The following TBC1D1 variants were observed in gnomAD, a reference collection of about 807,000 sequenced individuals.
The protein encoded by TBC1D1 is TBC1 domain family member 1, also known as TBC1 (tre-2/USP6, BUB2, cdc16) domain family, member 1.
TBC1D1 carries 89 observed loss-of-function variants against 125.6 expected under a neutral mutation model. The observed-to-expected ratio is 0.71, with a 90% CI of 0.60 to 0.85. The LOEUF is 0.85. Among genes scored for constraint, TBC1D1 ranks in the 40% least tolerant of loss-of-function variants. TBC1D1 has a pLI of 0.00. For missense variants in TBC1D1, 1,377 were observed against 1,469.2 expected, an observed-to-expected ratio of 0.94 and a Z score of 1.03; for synonymous variants, 565 against 564.1, an observed-to-expected ratio of 1.00 and a Z score of -0.02.
chr4:37,940,466 C>T (rs1006978905), intron 2 of TBC1D1, among the ~76,000 whole-genome samples: 6 of 152,182 alleles, frequency 3.9e-5, no homozygotes, highest in Admixed American at 1.3e-4. Context: ...ATGTCATCTG[C>T]GAACAGGGAC....
Position 38,020,679 on chromosome 4 carries a change from G to C in TBC1D1, c.1061G>C (p.Cys354Ser). 6.2e-7 allele frequency: 1 copy of C among 1,611,916 alleles called. No individual in the cohort carries two copies. Among genetic ancestry groups the C allele is most frequent in the Non-Finnish European group, 8.5e-7 (1 of 1,178,598 alleles). ...CATTTTGTCTGTTACGTGTTTCAGT[G>C]CACAAATGAGGCTCTGGTGAGAGAG... Residue 354 changes from cysteine (C) to serine (S), a missense_variant, in exon 5 of 20, where the codon TGC (cysteine) becomes TCC (serine). Cys to Ser is a moderately radical substitution (Grantham distance 112). Around this residue, in one of 3 missense-constraint regions of TBC1D1, gnomAD observed 822 missense variants for 824.6 expected, o/e 1.00. Transcript: ENST00000261439.
chr4:37,900,843 G>A (rs996911936), intron 1 of TBC1D1, among the ~76,000 whole-genome samples: 2 of 152,116 alleles, frequency 1.3e-5, no homozygotes, highest in Admixed American at 6.5e-5. Flanking sequence ...AGGCCAAGGT[G>A]GGCAGATCAC....
Position 38,061,171 on chromosome 4 carries a change from C to T in TBC1D1, c.2050+6833C>T, listed in dbSNP as rs78602687. 8.5e-5 allele frequency among the ~76,000 whole-genome samples: 13 copies of T among 152,288 alleles called. No individual in the cohort carries two copies. In the East Asian group the frequency reaches 9.6e-4, roughly 11 times the overall value. On this transcript the variant is annotated intron_variant, in intron 12 of 19. Coordinates refer to ENST00000261439, the MANE Select transcript of TBC1D1 (RefSeq NM_015173.4). The stretch of plus-strand genomic sequence containing the variant: ...GTGAACCCAAATGTATGGTGCTTTG[C>T]GTCTTTCCTGCCCTTTGGTTTTCCA...
chr4:37,983,923 G>A (rs1340372634), intron 2 of TBC1D1, among the ~76,000 whole-genome samples: 1 of 152,068 alleles, frequency 6.6e-6, no homozygotes, highest in East Asian at 1.9e-4. Flanking sequence ...CTTCCTATAA[G>A]CCTTTGGCAA....
intron 2 of TBC1D1, among the ~76,000 whole-genome samples, chr4:38,007,399 C>T (rs1740537079): frequency 6.6e-6 from 1 of 151,908 alleles, no homozygotes; most frequent in African/African-American, 2.4e-5. Context: ...ACTACAGGCG[C>T]CTGCCACCAC....
At chr4:37,906,294 C>T (rs1717317504) in intron 2 of TBC1D1, among the ~76,000 whole-genome samples, 3 of 152,062 alleles carry the variant, frequency 2.0e-5, no homozygotes, top group Non-Finnish European at 4.4e-5. Context: ...ATTACAGGTA[C>T]ACATGATCGT....
chr4:37,901,230 T>G (rs1447573997), intron 1 of TBC1D1, among the ~76,000 whole-genome samples: 1 of 151,848 alleles, frequency 6.6e-6, no homozygotes, highest in Admixed American at 6.6e-5. Context: ...AATCTTGGCT[T>G]GCTGCAGCCT....
In TBC1D1 at chr4:38,115,810, A is replaced by G. The variant is rs779285745; in HGVS notation, c.2658A>G (p.Glu886=). ...AGGCCTACTCACTTCTAGACCAGGA[A>G]GTGGGATATTGCCAAGGTCTCAGCT... The change falls in exon 16 of 20, where the codon GAA becomes GAG. Residue 886 remains glutamate (E), a synonymous_variant. Coordinates refer to ENST00000261439, the MANE Select transcript of TBC1D1 (RefSeq NM_015173.4). 1 of 1,614,174 alleles carries G rather than the reference A, an allele frequency of 6.2e-7. No individual in the cohort carries two copies. The highest frequency in any genetic ancestry group is 2.2e-5 in the East Asian group (1 of 44,886).
chr4:38,039,104 CTTTTTT>C (rs776941680), intron 8 of TBC1D1, among the ~76,000 whole-genome samples: 5 of 51,584 alleles, frequency 9.7e-5, no homozygotes, highest in East Asian at 7.4e-4. Flanking sequence ...GCATCATACT[CTTTTTT>C]TTTTTTTTTT....
At chr4:38,069,243 G>T (rs1050302677) in intron 12 of TBC1D1, among the ~76,000 whole-genome samples, 2 of 152,266 alleles carry the variant, frequency 1.3e-5, no homozygotes, top group East Asian at 1.9e-4. Context: ...AGCCATAACT[G>T]ATTGAGTATC....
chr4:38,005,761 T>C (rs1255220311), intron 2 of TBC1D1, among the ~76,000 whole-genome samples: 2 of 152,230 alleles, frequency 1.3e-5, no homozygotes, highest in African/African-American at 4.8e-5. Context: ...CAAAGCTGGA[T>C]GTGAACCCCA....
rs1243849381 is a variant in TBC1D1, at chr4:38,054,333, A to G, written c.2045A>G (p.Tyr682Cys). The stretch of plus-strand genomic sequence containing the variant: ...AAGGCGTGCGATTCTTCCAGCAGAT[A>G]TGAAGGTAAGGCCGGTACCTGAAAT... The change falls in exon 12 of 20, where the codon TAT becomes TGT. Residue 682 changes from tyrosine (Y) to cysteine (C), a missense_variant. Physicochemically the swap from Tyr to Cys is radical, Grantham distance 194. Coordinates refer to ENST00000261439, the MANE Select transcript of TBC1D1 (RefSeq NM_015173.4). 3 of 1,614,094 alleles carry G rather than the reference A, an allele frequency of 1.9e-6. No individual in the cohort carries two copies. The highest frequency in any genetic ancestry group is 1.7e-6 in the Non-Finnish European group (2 of 1,179,992).
At chr4:37,955,313 C>T (rs1728722502) in intron 2 of TBC1D1, among the ~76,000 whole-genome samples, 1 of 152,184 alleles carries the variant, frequency 6.6e-6, no homozygotes, top group South Asian at 2.1e-4. Context: ...ACATACCTCT[C>T]TATGTGTATA....
chr4:37,981,757 T>A (rs1468361190), intron 2 of TBC1D1, among the ~76,000 whole-genome samples: 2 of 152,004 alleles, frequency 1.3e-5, no homozygotes, highest in African/African-American at 4.8e-5. Flanking sequence ...AGGCTTAGAA[T>A]GGGGTTTGGA....
At chr4:38,119,970 G>C in intron 17 of TBC1D1, 2 of 985,286 alleles carry the variant, frequency 2.0e-6, no homozygotes, top group Non-Finnish European at 2.4e-6. Context: ...TTTTTCCTTC[G>C]GCTCATAAAT....
intron 12 of TBC1D1, among the ~76,000 whole-genome samples, chr4:38,061,577 G>A (rs28733820): frequency 0.043 from 6,523 of 152,132 alleles, 458 homozygotes; most frequent in African/African-American, 0.15. Flanking sequence ...GTAAAAAAAA[G>A]CCTAATATAG....
chr4:38,023,943 A>G (rs1420044725), intron 6 of TBC1D1, among the ~76,000 whole-genome samples: 1 of 152,228 alleles, frequency 6.6e-6, no homozygotes, highest in Non-Finnish European at 1.5e-5. Flanking sequence ...GCAGTGGGTA[A>G]GGACCCCAGT....
intron 1 of TBC1D1, among the ~76,000 whole-genome samples, chr4:37,896,940 T>C (rs1714763071): frequency 1.3e-5 from 2 of 152,180 alleles, no homozygotes; most frequent in Admixed American, 1.3e-4. Context: ...GTAGCTACTA[T>C]GTTTAAAGAC....
chr4:37,990,643 T>C (rs551579347), intron 2 of TBC1D1, among the ~76,000 whole-genome samples: 1 of 152,350 alleles, frequency 6.6e-6, no homozygotes, highest in African/African-American at 2.4e-5. Flanking sequence ...CTCCTTCCAT[T>C]TCCAGAAATA....
Sources: gnomAD v4.1 joint callset for allele counts (sites outside exome capture counted in the v4.1 genomes callset) on GRCh38, gnomAD v4.1.1 for gene constraint, gnomAD v4.1.1 regional missense constraint, MANE v1.5 for transcripts, NCBI Gene and HGNC (gene_info 2026-07-23, HGNC 2026-07-21) for gene names.